The following CHLSN variants were observed in gnomAD, a reference collection of about 807,000 sequenced individuals.
CHLSN encodes the protein cholesin, also known as protein cholesin.
chr7:1,112,138 A>T, the CHLSN span, among the ~76,000 whole-genome samples: 1 of 152,214 alleles, frequency 6.6e-6, no homozygotes, highest in Non-Finnish European at 1.5e-5. Flanking sequence ...AGCAGCAATG[A>T]CAGCATTAGA....
chr7:1,020,411 G>A, the CHLSN span, among the ~76,000 whole-genome samples: 2 of 152,102 alleles, frequency 1.3e-5, no homozygotes, highest in African/African-American at 2.4e-5. Context: ...CCCCAGAGAG[G>A]AGCCCCCTAG....
At chr7:982,089 G>A in the CHLSN span, among the ~76,000 whole-genome samples, 1 of 152,198 alleles carries the variant, frequency 6.6e-6, no homozygotes, top group South Asian at 2.1e-4. Flanking sequence ...AGTAAGCTTT[G>A]CTAGGCAGGT....
the CHLSN span, chr7:1,092,220 C>T: frequency 9.9e-6 from 16 of 1,612,922 alleles, no homozygotes; most frequent in East Asian, 3.3e-4. Context: ...GGGCCATGCG[C>T]TGCAGCCTGT....
At chr7:1,118,799 CAAAAAA>C in the CHLSN span, among the ~76,000 whole-genome samples, 145 of 76,240 alleles carry the variant, frequency 1.9e-3, no homozygotes, top group Middle Eastern at 9.1e-3. Flanking sequence ...CCATCTCTAC[CAAAAAA>C]AAAAAAAAAA....
At chr7:1,070,632 C>T in the CHLSN span, among the ~76,000 whole-genome samples, 37 of 145,072 alleles carry the variant, frequency 2.6e-4, no homozygotes, top group African/African-American at 4.5e-4. Flanking sequence ...GCACACAACA[C>T]GCACACGGAC....
chr7:1,018,754 C>T, the CHLSN span, among the ~76,000 whole-genome samples: 1 of 152,058 alleles, frequency 6.6e-6, no homozygotes, highest in Non-Finnish European at 1.5e-5. Context: ...CACTGTACCC[C>T]AGCCTGGATG....
the CHLSN span, among the ~76,000 whole-genome samples, chr7:1,030,755 G>C: frequency 6.7e-6 from 1 of 149,490 alleles, no homozygotes; most frequent in South Asian, 2.1e-4. Flanking sequence ...TCTCTCCCGG[G>C]GCACGCGGGG....
the CHLSN span, among the ~76,000 whole-genome samples, chr7:1,040,660 C>A: frequency 0.026 from 3,892 of 147,232 alleles, 185 homozygotes; most frequent in African/African-American, 0.093. Flanking sequence ...AACCATGACA[C>A]CAAAAGCAGA....
the CHLSN span, among the ~76,000 whole-genome samples, chr7:1,029,595 C>A: frequency 6.6e-6 from 1 of 152,224 alleles, no homozygotes; most frequent in African/African-American, 2.4e-5. Context: ...TGCGAGGGAG[C>A]CGCACTGGCC....
At chr7:1,044,061 G>A in the CHLSN span, among the ~76,000 whole-genome samples, 2 of 152,220 alleles carry the variant, frequency 1.3e-5, no homozygotes, top group Non-Finnish European at 2.9e-5. Flanking sequence ...TTTCCTGTGA[G>A]TGTTCCGTTT....
At chr7:1,095,174 C>T in the CHLSN span, among the ~76,000 whole-genome samples, 2 of 152,120 alleles carry the variant, frequency 1.3e-5, no homozygotes, top group East Asian at 1.9e-4. Context: ...CACTGACATC[C>T]GTGCTCTGGA....
the CHLSN span, among the ~76,000 whole-genome samples, chr7:1,029,885 G>A: frequency 2.0e-5 from 3 of 152,294 alleles, no homozygotes; most frequent in Non-Finnish European, 4.4e-5. Context: ...TGGTGGCAGC[G>A]GGGCAGGCAA....
At chr7:1,120,393 G>T in the CHLSN span, among the ~76,000 whole-genome samples, 4 of 152,106 alleles carry the variant, frequency 2.6e-5, no homozygotes, top group African/African-American at 9.7e-5. Context: ...GCAGCCTCCG[G>T]TGATTCTCCC....
the CHLSN span, among the ~76,000 whole-genome samples, chr7:1,068,357 T>C: frequency 6.6e-6 from 1 of 152,100 alleles, no homozygotes; most frequent in African/African-American, 2.4e-5. Flanking sequence ...CACATCCCCA[T>C]GGTCACTGCC....
the CHLSN span, among the ~76,000 whole-genome samples, chr7:1,131,470 A>G: frequency 6.6e-6 from 1 of 152,230 alleles, no homozygotes; most frequent in African/African-American, 2.4e-5. Context: ...ACTCGGGGCT[A>G]TCACTGGTAA....
At chr7:1,093,130 C>T in the CHLSN span, 2 of 634,094 alleles carry the variant, frequency 3.2e-6, no homozygotes, top group South Asian at 1.5e-5. Flanking sequence ...GCCTGTCACC[C>T]AGCTCCTCCC....
At chr7:1,081,476 G>C in the CHLSN span, among the ~76,000 whole-genome samples, 2 of 152,378 alleles carry the variant, frequency 1.3e-5, no homozygotes, top group African/African-American at 4.8e-5. Context: ...GCTCGAGCGG[G>C]GCTTGGCACG....
At chr7:988,553 T>C in the CHLSN span, 1 of 1,598,378 alleles carries the variant, frequency 6.3e-7, no homozygotes, top group Non-Finnish European at 8.5e-7. Context: ...GCTGCTCCTG[T>C]GCTCCCCTGG....
At chr7:1,127,704 C>A in the CHLSN span, among the ~76,000 whole-genome samples, 13 of 44,266 alleles carry the variant, frequency 2.9e-4, no homozygotes, top group African/African-American at 9.0e-4. Flanking sequence ...GTGGCACAAT[C>A]TCGGCTGATC....
Sources: allele counts gnomAD v4.1 joint callset (sites outside exome capture counted in the v4.1 genomes callset), GRCh38; gene constraint gnomAD v4.1.1; transcripts MANE v1.5; gene names NCBI Gene and HGNC (gene_info 2026-07-23, HGNC 2026-07-21).